CACNA2D1: variants seen among roughly 807,000 people sequenced by gnomAD.
CACNA2D1 encodes calcium voltage-gated channel auxiliary subunit alpha2delta 1.
CACNA2D1 carries 53 observed loss-of-function variants against 171.5 expected under a neutral mutation model. That is an observed-to-expected ratio of 0.31 (90% confidence interval 0.25 to 0.39). CACNA2D1 has a LOEUF of 0.39. Among genes scored for constraint, CACNA2D1 ranks in the 10% least tolerant of loss-of-function variants. CACNA2D1 has a pLI of 1.00. For synonymous variants in CACNA2D1, 442 were observed against 443.1 expected (o/e 1.00, Z 0.03); for missense variants, 903 against 1,299.8 (o/e 0.69, Z 4.69).
At chr7:82,122,630 T>G (rs926787869) in intron 5 of CACNA2D1, among the ~76,000 whole-genome samples, 2 of 152,182 alleles carry the variant, frequency 1.3e-5, no homozygotes, top group African/African-American at 2.4e-5. Context: ...TATACCCATA[T>G]CTACACATTA....
intron 28 of CACNA2D1, among the ~76,000 whole-genome samples, chr7:81,969,251 C>A (rs1795026248): frequency 6.6e-6 from 1 of 151,332 alleles, no homozygotes; most frequent in Admixed American, 6.6e-5. Flanking sequence ...ATCTCTACTT[C>A]ACAACATTTG....
intron 27 of CACNA2D1, among the ~76,000 whole-genome samples, chr7:81,970,433 A>C (rs1252231300): frequency 6.6e-6 from 1 of 151,554 alleles, no homozygotes; most frequent in Non-Finnish European, 1.5e-5. Context: ...AATCTCTTTA[A>C]ACGTCTCTTA....
intron 12 of CACNA2D1, among the ~76,000 whole-genome samples, chr7:82,019,127 C>G (rs575693745): frequency 6.6e-6 from 1 of 151,900 alleles, no homozygotes; most frequent in South Asian, 2.1e-4. Flanking sequence ...CAAGACCATC[C>G]TGGCCAACAT....
intron 3 of CACNA2D1, among the ~76,000 whole-genome samples, chr7:82,246,984 G>T (rs936488469): frequency 1.3e-5 from 2 of 152,100 alleles, no homozygotes; most frequent in Non-Finnish European, 2.9e-5. Context: ...CTCCAGCTTT[G>T]AGAAGAAGGG....
chr7:82,019,852 A>G (rs891901276), intron 12 of CACNA2D1, among the ~76,000 whole-genome samples: 2 of 152,164 alleles, frequency 1.3e-5, no homozygotes, highest in Admixed American at 6.6e-5. Context: ...TCAGCCTTCG[A>G]ATCATGTTAG....
intron 4 of CACNA2D1, among the ~76,000 whole-genome samples, chr7:82,159,520 C>A (rs1481635174): frequency 6.6e-6 from 1 of 151,656 alleles, no homozygotes; most frequent in Admixed American, 6.6e-5. Context: ...AAAAACTAAC[C>A]AAACACATGA....
At chr7:82,146,654 G>A (rs1211512197) in intron 4 of CACNA2D1, among the ~76,000 whole-genome samples, 1 of 151,150 alleles carries the variant, frequency 6.6e-6, no homozygotes, top group African/African-American at 2.4e-5. Context: ...TGAAAGGGCT[G>A]ATAAATGATT....
At chr7:82,007,569 C>G (rs570463687) in intron 16 of CACNA2D1, 110 bp downstream of exon 16, 11 of 705,848 alleles carry the variant, frequency 1.6e-5, no homozygotes, top group Non-Finnish European at 2.5e-5. Context: ...TCTGGCCTCA[C>G]AAGACAATTA....
intron 17 of CACNA2D1, 46 bp from the exon 18 acceptor site, chr7:82,005,543 A>G (rs774348309): frequency 8.2e-7 from 1 of 1,224,064 alleles, no homozygotes; most frequent in Non-Finnish European, 1.2e-6. Context: ...CTGAGTCACA[A>G]TTAGAAATCT....
intron 10 of CACNA2D1, among the ~76,000 whole-genome samples, chr7:82,047,061 C>G (rs1804636905): frequency 6.6e-6 from 1 of 152,018 alleles, no homozygotes; most frequent in Non-Finnish European, 1.5e-5. Context: ...TTAGGATCCC[C>G]CTGCATCTCC....
intron 3 of CACNA2D1, among the ~76,000 whole-genome samples, chr7:82,203,816 C>T (rs1017284681): frequency 3.9e-5 from 6 of 152,136 alleles, no homozygotes; most frequent in African/African-American, 9.7e-5. Flanking sequence ...ACAGCATGGC[C>T]GGATGGGCTA....
At chr7:82,260,910 G>GAT (rs148344895) in intron 3 of CACNA2D1, among the ~76,000 whole-genome samples, 8 of 151,294 alleles carry the variant, frequency 5.3e-5, no homozygotes, top group Non-Finnish European at 8.8e-5. Flanking sequence ...TCTATGAGGA[G>GAT]ATATATATAT....
intron 10 of CACNA2D1, among the ~76,000 whole-genome samples, chr7:82,060,211 A>AATATATATATATTAT (rs1554381984): frequency 4.5e-4 from 14 of 31,362 alleles, no homozygotes; most frequent in African/African-American, 1.5e-3. Context: ...TTATATATAT[A>AATATATATATATTAT]ATATATATAT....
At chr7:81,977,971 C>A (rs547885719) in intron 24 of CACNA2D1, among the ~76,000 whole-genome samples, 43 of 152,170 alleles carry the variant, frequency 2.8e-4, no homozygotes, top group South Asian at 2.3e-3. Flanking sequence ...ATGCGGCCAA[C>A]AAACATATGA....
chr7:82,402,993 G>C (rs1468366889), intron 1 of CACNA2D1, among the ~76,000 whole-genome samples: 2 of 152,076 alleles, frequency 1.3e-5, no homozygotes, highest in Admixed American at 1.3e-4. Context: ...AAAATTAAAA[G>C]TAGGATAAGA....
At chr7:82,185,498 G>GA (rs1477730271) in intron 3 of CACNA2D1, among the ~76,000 whole-genome samples, 1 of 10,394 alleles carries the variant, frequency 9.6e-5, no homozygotes, top group East Asian at 6.1e-3. Flanking sequence ...GGAGGGGGAG[G>GA]GGAGGGGGAG....
intron 11 of CACNA2D1, among the ~76,000 whole-genome samples, chr7:82,035,715 A>G (rs1446180819): frequency 6.6e-6 from 1 of 151,096 alleles, no homozygotes; most frequent in Admixed American, 6.6e-5. Flanking sequence ...AAGTGAGGGG[A>G]AAAAAAATAC....
At chr7:82,396,142 G>T (rs1825735624) in intron 1 of CACNA2D1, among the ~76,000 whole-genome samples, 1 of 151,998 alleles carries the variant, frequency 6.6e-6, no homozygotes, top group Non-Finnish European at 1.5e-5. Context: ...TTTTTTCTGA[G>T]TTGAAATTAC....
At chr7:82,266,205 G>T (rs1384911688) in intron 3 of CACNA2D1, among the ~76,000 whole-genome samples, 1 of 152,106 alleles carries the variant, frequency 6.6e-6, no homozygotes, top group African/African-American at 2.4e-5. Flanking sequence ...AATTAGGTGT[G>T]TCTTCTTTGT....
Sources: gnomAD v4.1 joint callset for allele counts (sites outside exome capture counted in the v4.1 genomes callset) on GRCh38, gnomAD v4.1.1 for gene constraint, MANE v1.5 for transcripts, NCBI Gene and HGNC (gene_info 2026-07-23, HGNC 2026-07-21) for gene names.